The following VNN1 variants were observed in gnomAD, a reference collection of about 807,000 sequenced individuals.
VNN1 encodes the protein vanin 1.
VNN1 carries 29 observed loss-of-function variants against 41.9 expected under a neutral mutation model. The observed-to-expected ratio is 0.69, with a 90% CI of 0.52 to 0.94. The LOEUF (loss-of-function observed/expected upper bound fraction) is 0.94, where lower values mean the gene tolerates loss of function less well. Ranked by LOEUF, VNN1 falls within the 40% of genes least tolerant of loss-of-function variation. VNN1 has a pLI of 0.00. For synonymous variants in VNN1, 233 were observed against 224.4 expected, an observed-to-expected ratio of 1.04 and a Z score of -0.34; for missense variants, 637 against 621.1, an observed-to-expected ratio of 1.03 and a Z score of -0.27.
intron 2 of VNN1, 27 bp from the exon 3 acceptor site, chr6:132,694,209 A>G (rs762263563): frequency 1.0e-5 from 16 of 1,535,488 alleles, no homozygotes; most frequent in Non-Finnish European, 1.4e-5. Context: ...GGAGGAAAAA[A>G]ATCTTTGTAA....
intron 5 of VNN1, among the ~76,000 whole-genome samples, chr6:132,685,629 A>T: frequency 6.6e-6 from 1 of 152,202 alleles, no homozygotes; most frequent in East Asian, 1.9e-4. Flanking sequence ...CAGGTCCTAA[A>T]CTAGCAGTAG....
chr6:132,703,552 C>T (rs1238836729), intron 2 of VNN1, among the ~76,000 whole-genome samples: 1 of 151,896 alleles, frequency 6.6e-6, no homozygotes, highest in African/African-American at 2.4e-5. Context: ...AAAAAACCTA[C>T]AACAGATACA....
intron 2 of VNN1, among the ~76,000 whole-genome samples, chr6:132,701,061 A>T (rs1321397697): frequency 6.6e-6 from 1 of 152,224 alleles, no homozygotes; most frequent in Non-Finnish European, 1.5e-5. Flanking sequence ...TCTGTGAAAC[A>T]TTCAAATCAA....
chr6:132,692,931 A>T (rs1285794601), intron 4 of VNN1, 93 bp downstream of exon 4: 1 of 1,355,630 alleles, frequency 7.4e-7, no homozygotes, highest in East Asian at 2.5e-5. Context: ...AAAACATTGT[A>T]TTAAGGAGTA....
chr6:132,690,572 G>A (rs1778267921), intron 5 of VNN1, among the ~76,000 whole-genome samples: 1 of 152,176 alleles, frequency 6.6e-6, no homozygotes, highest in South Asian at 2.1e-4. Flanking sequence ...ACAATCACAT[G>A]CCAACCTATG....
chr6:132,694,881 G>C (rs1159862719), intron 2 of VNN1, among the ~76,000 whole-genome samples: 2 of 152,034 alleles, frequency 1.3e-5, no homozygotes, highest in African/African-American at 4.8e-5. Context: ...GGCCAGGTGT[G>C]GTAGCTCATG....
chr6:132,711,870 G>A (rs1778605488), intron 1 of VNN1, 31 bp from the exon 2 acceptor site: 1 of 1,609,984 alleles, frequency 6.2e-7, no homozygotes, highest in East Asian at 2.2e-5. Context: ...TCCAAAGGGG[G>A]GCCTGCAAGA....
At position 132,694,202 on chromosome 6, in the gene VNN1, G is replaced by A. The variant is rs1582771320; in HGVS notation, c.342-20C>T. On this transcript the variant is annotated intron_variant, in intron 2 of 6. Transcript: ENST00000367928. ...CCAAATCTGATACATGTTTATTGGA[G>A]GAAAAAAATCTTTGTAAATCAATCT... 7 of 1,539,724 alleles carry A rather than the reference G, an allele frequency of 4.5e-6. No homozygotes were observed. The highest frequency in any genetic ancestry group is 2.3e-5 in the East Asian group (1 of 43,514).
intron 2 of VNN1, among the ~76,000 whole-genome samples, chr6:132,694,719 A>T (rs1778343660): frequency 6.6e-6 from 1 of 151,360 alleles, no homozygotes; most frequent in South Asian, 2.1e-4. Flanking sequence ...AAAAATAGCC[A>T]GGCATAGTGG....
chr6:132,700,840 G>C (rs901862513), intron 2 of VNN1, among the ~76,000 whole-genome samples: 3 of 151,664 alleles, frequency 2.0e-5, no homozygotes, highest in African/African-American at 7.3e-5. Flanking sequence ...GTTTTTTTCT[G>C]TTTGTTTCTT....
chr6:132,700,329 G>A (rs1168435412), intron 2 of VNN1, among the ~76,000 whole-genome samples: 1 of 152,016 alleles, frequency 6.6e-6, no homozygotes, highest in Admixed American at 6.5e-5. Flanking sequence ...ATTTTCAGAG[G>A]CATTGTCTGC....
At chr6:132,700,609 C>A (rs1190466659) in intron 2 of VNN1, among the ~76,000 whole-genome samples, 1 of 152,118 alleles carries the variant, frequency 6.6e-6, no homozygotes, top group Non-Finnish European at 1.5e-5. Context: ...GGCTGGAAAC[C>A]AAGAAGGGCA....
At chr6:132,694,281 T>C in intron 2 of VNN1, 99 bp from the exon 3 acceptor site, 9 of 1,164,332 alleles carry the variant, frequency 7.7e-6, no homozygotes, top group African/African-American at 1.6e-5. Flanking sequence ...ATTTGATATA[T>C]GCAAAAGTAA....
rs1268360537 is a variant in VNN1, at chr6:132,681,930, C to G, written c.*1210G>C. The G allele has an allele frequency of 1.3e-5, 2 of 152,518 alleles. No homozygotes were observed. The highest frequency in any genetic ancestry group is 2.9e-5 in the Non-Finnish European group (2 of 68,030). The allele number at this position is 152,518 out of a possible 1,614,324, so 9.4% of individuals were successfully genotyped here. A position where few individuals can be genotyped will look rare whatever the true frequency, so the allele number is the denominator to read the frequency against. On this transcript the variant is annotated 3_prime_UTR_variant, in exon 7 of 7. Coordinates refer to ENST00000367928, the MANE Select transcript of VNN1 (RefSeq NM_004666.3). ...CCTGTGCAGAAGGGCATGCTTTGCA[C>G]AGTGCATGGCTGTTATCGGTACTAT...
chr6:132,690,613 A>T (rs1179931696), intron 5 of VNN1, among the ~76,000 whole-genome samples: 1 of 152,242 alleles, frequency 6.6e-6, no homozygotes, highest in Non-Finnish European at 1.5e-5. Flanking sequence ...GTCTTTCTCC[A>T]TTACTAAAGA....
At chr6:132,708,486 A>G (rs1673483412) in intron 2 of VNN1, among the ~76,000 whole-genome samples, 1 of 152,222 alleles carries the variant, frequency 6.6e-6, no homozygotes, top group South Asian at 2.1e-4. Context: ...CGCTCAGTCT[A>G]AGAGGTGATG....
At chr6:132,696,344 G>A (rs1055204094) in intron 2 of VNN1, among the ~76,000 whole-genome samples, 5 of 152,144 alleles carry the variant, frequency 3.3e-5, no homozygotes, top group Admixed American at 2.6e-4. Flanking sequence ...ACACCATTGA[G>A]TGTCCAACAC....
At chr6:132,700,282 GAT>G (rs1391304493) in intron 2 of VNN1, among the ~76,000 whole-genome samples, 1 of 150,748 alleles carries the variant, frequency 6.6e-6, no homozygotes, top group Admixed American at 6.7e-5. Flanking sequence ...CTGCATATAT[GAT>G]ATATACTTGT....
At chr6:132,692,662 C>A (rs1778309938) in intron 4 of VNN1, 78 bp from the exon 5 acceptor site, 5 of 1,471,582 alleles carry the variant, frequency 3.4e-6, no homozygotes, top group Non-Finnish European at 4.5e-6. Context: ...ACTATTTTAA[C>A]CTCATATTCA....
Sources: gnomAD v4.1 joint callset for allele counts (sites outside exome capture counted in the v4.1 genomes callset) on GRCh38, gnomAD v4.1.1 for gene constraint, MANE v1.5 for transcripts, NCBI Gene and HGNC (gene_info 2026-07-23, HGNC 2026-07-21) for gene names.